Variants in CDH11 observed in about 807,000 individuals in gnomAD.
CDH11 encodes the protein cadherin-11.
Under a neutral mutation model 67.8 loss-of-function variants are expected in CDH11, and 11 were observed. The observed-to-expected ratio is 0.16, with a 90% CI of 0.10 to 0.27. The LOEUF is 0.27. CDH11 is among the 10% of genes least tolerant of loss of function. The probability of loss-of-function intolerance (pLI) is 1.00; values close to 1 mark genes in which losing one functional copy is unlikely to be tolerated. For missense variants in CDH11, 847 were observed against 1,031.2 expected (o/e 0.82, Z 2.45); for synonymous variants, 419 against 400.0 (o/e 1.05, Z -0.57).
rs1245628241 is a variant in CDH11, at chr16:65,113,285, CA to C, written c.-298+8594del. On this transcript the variant is annotated intron_variant, in intron 1 of 12. Transcript: ENST00000268603. ...TGGGCAACAGAGCAAGATTCCATCTCAGAAAAAAAAAAAAAAAGACTTTTGT... is the reference window on the plus strand; with the variant it reads ...TGGGCAACAGAGCAAGATTCCATCTCGAAAAAAAAAAAAAAAGACTTTTGT... Among the ~76,000 whole-genome samples the C allele has an allele frequency of 2.7e-5, 3 of 111,370 alleles. No homozygotes were observed. In the Admixed American group the frequency reaches 3.0e-4, roughly 11 times the overall value. The allele number at this position is 111,370 out of a possible 152,430, so 73.1% of individuals were successfully genotyped here. A position where few individuals can be genotyped will look rare whatever the true frequency, so the allele number is the denominator to read the frequency against.
intron 8 of CDH11, among the ~76,000 whole-genome samples, chr16:64,980,260 A>G (rs922550751): frequency 2.0e-5 from 3 of 152,192 alleles, no homozygotes; most frequent in Non-Finnish European, 4.4e-5. Flanking sequence ...CAGAAAAAAA[A>G]AAGAGAGTGA....
intron 1 of CDH11, among the ~76,000 whole-genome samples, chr16:65,072,912 T>G (rs970915618): frequency 1.3e-5 from 2 of 152,170 alleles, no homozygotes; most frequent in Non-Finnish European, 2.9e-5. Context: ...GGGTTTCCTA[T>G]AAAAATTAAA....
intron 1 of CDH11, among the ~76,000 whole-genome samples, chr16:65,085,835 T>C (rs899964164): frequency 2.0e-5 from 3 of 152,264 alleles, no homozygotes; most frequent in Non-Finnish European, 4.4e-5. Flanking sequence ...CCTCATGCAA[T>C]GCTCAAAATT....
chr16:65,098,349 C>A (rs1339917763), intron 1 of CDH11, among the ~76,000 whole-genome samples: 1 of 152,158 alleles, frequency 6.6e-6, no homozygotes, highest in Admixed American at 6.6e-5. Flanking sequence ...AGTCTAGTTA[C>A]ATGATATATT....
At chr16:65,105,524 C>T (rs887512678) in intron 1 of CDH11, among the ~76,000 whole-genome samples, 1 of 152,218 alleles carries the variant, frequency 6.6e-6, no homozygotes, top group Admixed American at 6.5e-5. Flanking sequence ...ATTTCTTGTT[C>T]AATTTGATAT....
At chr16:65,029,478 T>C (rs2073599418) in intron 2 of CDH11, among the ~76,000 whole-genome samples, 1 of 152,338 alleles carries the variant, frequency 6.6e-6, no homozygotes, top group Admixed American at 6.5e-5. Context: ...AATTTTTTTC[T>C]GCCAAGAATA....
intron 7 of CDH11, among the ~76,000 whole-genome samples, chr16:64,984,374 G>A (rs1374348464): frequency 6.6e-6 from 1 of 152,128 alleles, no homozygotes; most frequent in Admixed American, 6.6e-5. Context: ...TGAAGAGTGG[G>A]GCTGATAGAT....
intron 1 of CDH11, among the ~76,000 whole-genome samples, chr16:65,084,738 T>C (rs2074667974): frequency 6.6e-6 from 1 of 152,176 alleles, no homozygotes; most frequent in Non-Finnish European, 1.5e-5. Flanking sequence ...TTTTGTATAA[T>C]ATCTTACAAG....
intron 1 of CDH11, among the ~76,000 whole-genome samples, chr16:65,054,299 G>T (rs1228924395): frequency 2.0e-5 from 3 of 152,170 alleles, no homozygotes; most frequent in African/African-American, 7.2e-5. Flanking sequence ...TAGAACCTAT[G>T]TTCCAAAGCC....
rs1037352071 is a variant in CDH11, at chr16:64,946,157, A to G, written c.*1446T>C. ...CATATTCTAAACAAAGCTTTTTTAA[A>G]TGAATCGCCCATTCTCATTAAAACA... On this transcript the variant is annotated 3_prime_UTR_variant, in exon 13 of 13. Coordinates refer to ENST00000268603, the MANE Select transcript of CDH11 (RefSeq NM_001797.4). 2 of 1,054,108 alleles carry G rather than the reference A, an allele frequency of 1.9e-6. No individual in the cohort carries two copies. The highest frequency in any genetic ancestry group is 3.3e-5 in the African/African-American group (2 of 60,576). The allele number at this position is 1,054,108 out of a possible 1,614,324, so 65.3% of individuals were successfully genotyped here.
intron 2 of CDH11, among the ~76,000 whole-genome samples, chr16:65,005,980 T>A (rs2073044249): frequency 6.6e-6 from 1 of 152,200 alleles, no homozygotes; most frequent in South Asian, 2.1e-4. Flanking sequence ...CAGTCACTCT[T>A]GTCCTCTCTC....
At chr16:65,096,980 T>C (rs2074909136) in intron 1 of CDH11, among the ~76,000 whole-genome samples, 1 of 152,196 alleles carries the variant, frequency 6.6e-6, no homozygotes, top group Non-Finnish European at 1.5e-5. Context: ...GACAAGTTCT[T>C]GGCAAAAGCA....
intron 1 of CDH11, among the ~76,000 whole-genome samples, chr16:65,105,203 CTGTT>C (rs1350219568): frequency 2.0e-5 from 3 of 152,078 alleles, no homozygotes; most frequent in South Asian, 2.1e-4. Flanking sequence ...TTTGTTGTTG[CTGTT>C]TGTTTATTTG....
At chr16:65,027,128 A>G (rs1376186000) in intron 2 of CDH11, among the ~76,000 whole-genome samples, 4 of 152,194 alleles carry the variant, frequency 2.6e-5, no homozygotes, top group Non-Finnish European at 5.9e-5. Context: ...AAGAGCAGCC[A>G]TTACTTGGCT....
intron 11 of CDH11, among the ~76,000 whole-genome samples, chr16:64,953,923 C>T (rs1282707117): frequency 6.6e-6 from 1 of 152,146 alleles, no homozygotes; most frequent in African/African-American, 2.4e-5. Flanking sequence ...CTCTGTTACC[C>T]ATAGTGTTAT....
At chr16:64,988,609 C>T (rs943603407) in intron 6 of CDH11, among the ~76,000 whole-genome samples, 9 of 152,098 alleles carry the variant, frequency 5.9e-5, no homozygotes, top group Admixed American at 5.2e-4. Context: ...GGGAGAAAAA[C>T]AATGCTCTGT....
At chr16:65,003,929 A>T (rs1025062324) in intron 3 of CDH11, among the ~76,000 whole-genome samples, 4 of 152,236 alleles carry the variant, frequency 2.6e-5, no homozygotes, top group Non-Finnish European at 5.9e-5. Flanking sequence ...TACACTGAAT[A>T]CAAAAAGCAA....
At chr16:64,984,847 C>T (rs757271110) in intron 7 of CDH11, 1 of 152,172 alleles carries the variant, frequency 6.6e-6, no homozygotes, top group Non-Finnish European at 1.5e-5. Context: ...CCTCTGATTG[C>T]AACCGTGTTA....
In CDH11 at chr16:64,951,277, AAG is replaced by A. The variant is rs2071356500; in HGVS notation, c.1643-261_1643-260del. On this transcript the variant is annotated intron_variant, in intron 11 of 12. Transcript: ENST00000268603. ...AGGGAATTTCCATTGAAGAATGGGCAAGAGCAAAGCAGAAAATGATGTGGCCG... is the reference window on the plus strand; with the variant it reads ...AGGGAATTTCCATTGAAGAATGGGCAAGCAAAGCAGAAAATGATGTGGCCG... Among the ~76,000 whole-genome samples, 4 of 152,198 alleles carry A rather than the reference AAG, an allele frequency of 2.6e-5. No homozygotes were observed. The South Asian group carries it at 8.3e-4, about 32-fold the overall frequency.
Sources: allele counts gnomAD v4.1 joint callset (sites outside exome capture counted in the v4.1 genomes callset), GRCh38; gene constraint gnomAD v4.1.1; transcripts MANE v1.5; gene names NCBI Gene and HGNC (gene_info 2026-07-23, HGNC 2026-07-21).